Variants in GALNTL6 observed in about 807,000 individuals in gnomAD.
GALNTL6 encodes the protein polypeptide N-acetylgalactosaminyltransferase like 6.
A neutral mutation model predicts 73.7 loss-of-function variants in GALNTL6; 46 were observed. The ratio of observed to expected loss-of-function variants is 0.62; its 90% CI spans 0.49 to 0.80. The LOEUF is 0.80. Among genes scored for constraint, GALNTL6 ranks in the 30% least tolerant of loss-of-function variants. The probability of loss-of-function intolerance (pLI) is 0.00; values close to 1 mark genes in which losing one functional copy is unlikely to be tolerated. For missense variants in GALNTL6, 604 were observed against 755.0 expected (o/e 0.80, Z 2.34); for synonymous variants, 259 against 263.7 (o/e 0.98, Z 0.17).
At chr4:172,177,839 A>ATGTGTGTGTATATATACACACACATATC (rs1313807210) in intron 2 of GALNTL6, among the ~76,000 whole-genome samples, 1 of 77,042 alleles carries the variant, frequency 1.3e-5, no homozygotes, top group African/African-American at 3.9e-5. Context: ...ACACACATAT[A>ATGTGTGTGTATATATACACACACATATC]TATGTGTATA....
intron 2 of GALNTL6, among the ~76,000 whole-genome samples, chr4:172,062,788 G>A (rs893433739): frequency 6.6e-6 from 1 of 152,190 alleles, no homozygotes; most frequent in Non-Finnish European, 1.5e-5. Context: ...ATAGATGGCT[G>A]TTCTAGACCT....
intron 2 of GALNTL6, among the ~76,000 whole-genome samples, chr4:172,038,171 T>C (rs1280161934): frequency 1.3e-5 from 2 of 151,972 alleles, no homozygotes; most frequent in Non-Finnish European, 2.9e-5. Flanking sequence ...CTCTTACTCA[T>C]CTATTCAGCC....
chr4:173,020,959 G>A (rs1267309521), intron 11 of GALNTL6, among the ~76,000 whole-genome samples: 1 of 152,170 alleles, frequency 6.6e-6, no homozygotes, highest in Non-Finnish European at 1.5e-5. Context: ...TGTAATCCCA[G>A]CTACTCGGGA....
In GALNTL6 at chr4:172,567,560, G is replaced by T. The variant is rs573060138; in HGVS notation, c.553+218871G>T. Among the ~76,000 whole-genome samples, 19 of 152,184 alleles carry T rather than the reference G, an allele frequency of 1.2e-4. 1 individual carries two copies. The highest frequency in any genetic ancestry group is 4.6e-4 in the Admixed American group (7 of 15,276). ...GTCATAAATACTTCTTGTTGGCCGG[G>T]TGTGGTAGCTCACGCCTGTAATCCC... On this transcript the variant is annotated intron_variant, in intron 5 of 12. Coordinates refer to ENST00000506823, the MANE Select transcript of GALNTL6 (RefSeq NM_001034845.3).
intron 7 of GALNTL6, among the ~76,000 whole-genome samples, chr4:172,877,798 TAAC>T (rs1745268368): frequency 6.6e-6 from 1 of 151,942 alleles, no homozygotes; most frequent in South Asian, 2.1e-4. Context: ...ATCTCATGGA[TAAC>T]AGGTTTGTAT....
chr4:172,856,492 A>G (rs1353308054), intron 7 of GALNTL6, among the ~76,000 whole-genome samples: 1 of 152,194 alleles, frequency 6.6e-6, no homozygotes, highest in Non-Finnish European at 1.5e-5. Flanking sequence ...AAGAAAAGAC[A>G]TTGCAAATTC....
At chr4:172,177,819 G>GTATATATATACACATGTGTA (rs1242145425) in intron 2 of GALNTL6, among the ~76,000 whole-genome samples, 4 of 131,388 alleles carry the variant, frequency 3.0e-5, no homozygotes, top group East Asian at 2.2e-4. Flanking sequence ...ATATGTGTGT[G>GTATATATATACACATGTGTA]TATATATACA....
chr4:172,225,821 C>T (rs1358408654), intron 2 of GALNTL6, among the ~76,000 whole-genome samples: 1 of 151,570 alleles, frequency 6.6e-6, no homozygotes, highest in Non-Finnish European at 1.5e-5. Context: ...TAACTAGTTC[C>T]CAGGTAATGC....
At chr4:172,572,775 C>A (rs766285186) in intron 5 of GALNTL6, among the ~76,000 whole-genome samples, 14 of 152,120 alleles carry the variant, frequency 9.2e-5, no homozygotes, top group Non-Finnish European at 1.9e-4. Context: ...TAGATGCTAC[C>A]ATACTTTACT....
At chr4:172,073,135 C>T (rs1731596337) in intron 2 of GALNTL6, among the ~76,000 whole-genome samples, 1 of 152,178 alleles carries the variant, frequency 6.6e-6, no homozygotes, top group Admixed American at 6.5e-5. Flanking sequence ...CACAAAGCTA[C>T]TAACTTTTCT....
At chr4:172,094,413 T>A (rs1732292590) in intron 2 of GALNTL6, among the ~76,000 whole-genome samples, 1 of 152,108 alleles carries the variant, frequency 6.6e-6, no homozygotes, top group African/African-American at 2.4e-5. Flanking sequence ...TACTTTCTTA[T>A]AAAGTTTTCT....
At chr4:172,606,045 A>C (rs1014226859) in intron 5 of GALNTL6, among the ~76,000 whole-genome samples, 1 of 151,962 alleles carries the variant, frequency 6.6e-6, no homozygotes, top group African/African-American at 2.4e-5. Flanking sequence ...CCTAGCCAAG[A>C]CCCTGTGCAG....
intron 2 of GALNTL6, among the ~76,000 whole-genome samples, chr4:172,066,300 T>C (rs1213512128): frequency 3.3e-5 from 5 of 152,192 alleles, no homozygotes; most frequent in African/African-American, 1.2e-4. Flanking sequence ...CTTTACTATC[T>C]CCATAGTTTT....
intron 5 of GALNTL6, among the ~76,000 whole-genome samples, chr4:172,452,364 G>A (rs1453884975): frequency 6.9e-6 from 1 of 144,524 alleles, no homozygotes; most frequent in East Asian, 2.1e-4. Flanking sequence ...AACTAAAACA[G>A]CAGCGAAAGA....
chr4:172,494,138 G>C (rs932212169), intron 5 of GALNTL6, among the ~76,000 whole-genome samples: 1 of 152,156 alleles, frequency 6.6e-6, no homozygotes, highest in African/African-American at 2.4e-5. Flanking sequence ...GTATTTGTAT[G>C]AAAGAAGTGG....
chr4:171,818,844 T>C (rs1734602598), intron 2 of GALNTL6, among the ~76,000 whole-genome samples: 1 of 152,076 alleles, frequency 6.6e-6, no homozygotes, highest in African/African-American at 2.4e-5. Flanking sequence ...AGCATCTTTG[T>C]CTAATTCATC....
intron 5 of GALNTL6, among the ~76,000 whole-genome samples, chr4:172,699,135 A>C (rs138196996): frequency 1.1e-3 from 172 of 152,174 alleles, no homozygotes; most frequent in African/African-American, 3.4e-3. Context: ...GGACTCCTTC[A>C]TGAGGATCTT....
intron 2 of GALNTL6, among the ~76,000 whole-genome samples, chr4:172,085,800 A>G (rs1368555795): frequency 1.3e-5 from 2 of 152,188 alleles, no homozygotes; most frequent in South Asian, 2.1e-4. Context: ...AATTTCTTCC[A>G]GGAAGTAGTC....
chr4:172,840,822 C>T (rs570797190), intron 7 of GALNTL6, among the ~76,000 whole-genome samples: 171 of 152,326 alleles, frequency 1.1e-3, no homozygotes, highest in Non-Finnish European at 2.1e-3. Context: ...TGCTGGGAGG[C>T]TGGAAGTGGA....
Sources: allele counts gnomAD v4.1 joint callset (sites outside exome capture counted in the v4.1 genomes callset), GRCh38; gene constraint gnomAD v4.1.1; transcripts MANE v1.5; gene names NCBI Gene and HGNC (gene_info 2026-07-23, HGNC 2026-07-21).